The following SUGT1 variants were observed in gnomAD, a reference collection of about 807,000 sequenced individuals.
SUGT1 encodes the protein SGT1 assembly cochaperone of MIS12 kinetochore complex, also known as protein SGT1 homolog.
A neutral mutation model predicts 56.1 loss-of-function variants in SUGT1; 15 were observed. That is an observed-to-expected ratio of 0.27 (90% CI 0.18 to 0.41). The LOEUF (loss-of-function observed/expected upper bound fraction) is 0.41, where lower values mean the gene tolerates loss of function less well. Among genes scored for constraint, SUGT1 ranks in the 10% least tolerant of loss-of-function variants. SUGT1 has a pLI of 1.00. For missense variants in SUGT1, 347 were observed against 382.2 expected (o/e 0.91, Z 0.77); for synonymous variants, 123 against 128.6 (o/e 0.96, Z 0.30).
intron 5 of SUGT1, 36 bp from the exon 6 acceptor site, chr13:52,662,613 A>G (rs1962511320): frequency 2.5e-6 from 4 of 1,605,986 alleles, no homozygotes; most frequent in Non-Finnish European, 3.4e-6. Context: ...TAGGTTGTGC[A>G]GATGAGTGAT....
intron 10 of SUGT1, among the ~76,000 whole-genome samples, chr13:52,668,967 TAC>T (rs1251685722): frequency 1.3e-5 from 2 of 152,174 alleles, no homozygotes; most frequent in African/African-American, 4.8e-5. Flanking sequence ...GTGTGGTAAA[TAC>T]ATAGATGTGT....
At chr13:52,686,001 C>T (rs1328644649) in intron 12 of SUGT1, among the ~76,000 whole-genome samples, 2 of 152,196 alleles carry the variant, frequency 1.3e-5, no homozygotes, top group Non-Finnish European at 2.9e-5. Context: ...TGTCTCAGCT[C>T]ATTGCAACCT....
chr13:52,662,688 A>T lies in SUGT1; in HGVS notation c.368A>T (p.Gln123Leu), dbSNP rs773155814. 8 of 1,613,624 alleles carry T rather than the reference A, an allele frequency of 5.0e-6. No individual in the cohort carries two copies. In the Admixed American group the frequency reaches 1.3e-4, roughly 27 times the overall value. The change falls in exon 6 of 13, where the codon CAA becomes CTA. Residue 123 changes from glutamine (Q) to leucine (L), a missense_variant. Coordinates refer to ENST00000310528, the MANE Select transcript of SUGT1 (RefSeq NM_006704.5). ...TTCAGTGTCTGGATTAAAAGGTGTC[A>T]AGAAGCTCAGAATGGTATGTGGGTC... Reference protein sequence around the residue: ...ANFSVWIKRCQEAQNGSESEV... With the variant: ...ANFSVWIKRCLEAQNGSESEV...
intron 11 of SUGT1, among the ~76,000 whole-genome samples, 199 bp downstream of exon 11, chr13:52,676,519 T>C (rs1963148749): frequency 6.6e-6 from 1 of 152,198 alleles, no homozygotes; most frequent in Non-Finnish European, 1.5e-5. Flanking sequence ...AGAATACAAA[T>C]GAATGGCAGC....
At chr13:52,677,478 C>T (rs1395092519) in intron 11 of SUGT1, among the ~76,000 whole-genome samples, 1 of 152,076 alleles carries the variant, frequency 6.6e-6, no homozygotes, top group Non-Finnish European at 1.5e-5. Context: ...TTAGGACTGA[C>T]TCCAATAGAT....
chr13:52,669,477 A>G (rs1962843457), intron 10 of SUGT1, among the ~76,000 whole-genome samples: 1 of 152,234 alleles, frequency 6.6e-6, no homozygotes, highest in Admixed American at 6.5e-5. Flanking sequence ...TTGCAGGTGG[A>G]AAAACAATCA....
At chr13:52,663,655 C>T (rs1962559174) in intron 7 of SUGT1, among the ~76,000 whole-genome samples, 1 of 152,068 alleles carries the variant, frequency 6.6e-6, no homozygotes, top group Non-Finnish European at 1.5e-5. Flanking sequence ...TTCTTTAAAA[C>T]GATTTTTAAA....
chr13:52,674,053 C>CTTTTTTTT (rs765220996), intron 10 of SUGT1, among the ~76,000 whole-genome samples: 2 of 107,962 alleles, frequency 1.9e-5, no homozygotes, highest in Non-Finnish European at 1.7e-5. Flanking sequence ...AGATAGTATA[C>CTTTTTTTT]TTTTTTTTTT....
intron 10 of SUGT1, among the ~76,000 whole-genome samples, chr13:52,674,052 A>ATTTTTT (rs1963045078): frequency 2.0e-5 from 1 of 49,734 alleles, no homozygotes; most frequent in Non-Finnish European, 3.5e-5. Flanking sequence ...AAGATAGTAT[A>ATTTTTT]CTTTTTTTTT....
intron 10 of SUGT1, among the ~76,000 whole-genome samples, chr13:52,674,250 C>T (rs1200963900): frequency 5.3e-5 from 8 of 151,774 alleles, no homozygotes; most frequent in African/African-American, 1.9e-4. Flanking sequence ...CAGGGTTTTG[C>T]CATGTTGGCC....
chr13:52,657,687 A>G, intron 3 of SUGT1, 65 bp downstream of exon 3: 1 of 1,439,122 alleles, frequency 6.9e-7, no homozygotes, highest in Non-Finnish European at 9.5e-7. Flanking sequence ...TACCCATGAC[A>G]AATTAAAAGT....
At chr13:52,653,993 T>G (rs1411913476) in intron 2 of SUGT1, among the ~76,000 whole-genome samples, 3 of 152,192 alleles carry the variant, frequency 2.0e-5, no homozygotes, top group Non-Finnish European at 4.4e-5. Context: ...ACAAGGGAAT[T>G]AACTTGGAAG....
In SUGT1 at chr13:52,659,211, C is replaced by T; in HGVS notation, c.290C>T (p.Ala97Val). The change falls in exon 5 of 13, where the codon GCT becomes GTT. Residue 97 changes from alanine to valine, a missense_variant. Coordinates refer to ENST00000310528, the MANE Select transcript of SUGT1 (RefSeq NM_006704.5). Reference sequence around the variant, plus strand: ...GAATACCATGAAAAAAACTATGCTGCTGCCCTAGAAACTTTTACAGAAGGA... The same window carrying T: ...GAATACCATGAAAAAAACTATGCTGTTGCCCTAGAAACTTTTACAGAAGGA... The part of the protein sequence containing the change: ...ICEYHEKNYA[A>V]ALETFTEGQK... The T allele has an allele frequency of 6.7e-7, 1 of 1,483,902 alleles. No homozygotes were observed. Among genetic ancestry groups the T allele is most frequent in the Non-Finnish European group, 8.9e-7 (1 of 1,123,630 alleles). The allele number at this position is 1,483,902 out of a possible 1,614,324, so 91.9% of individuals were successfully genotyped here. A position where few individuals can be genotyped will look rare whatever the true frequency, so the allele number is the denominator to read the frequency against.
At chr13:52,654,473 TTTATG>T (rs1265414890) in intron 2 of SUGT1, among the ~76,000 whole-genome samples, 1 of 152,250 alleles carries the variant, frequency 6.6e-6, no homozygotes, top group Non-Finnish European at 1.5e-5. Context: ...GCATATATGA[TTTATG>T]TAAATAACAC....
In SUGT1 at chr13:52,691,942, A is replaced by G. The variant is rs1963790238; in HGVS notation, c.*4107A>G. The G allele has an allele frequency of 6.6e-6, 1 of 152,098 alleles. No individual in the cohort carries two copies. The highest frequency in any genetic ancestry group is 1.5e-5 in the Non-Finnish European group (1 of 68,000). The allele number at this position is 152,098 out of a possible 1,614,324, so 9.4% of individuals were successfully genotyped here. Reference sequence around the variant, plus strand: ...TTGGGAACTTGTGGGGAAAATATTGATTTACCTACAAATGTTACTATTTGG... The same window carrying G: ...TTGGGAACTTGTGGGGAAAATATTGGTTTACCTACAAATGTTACTATTTGG... On this transcript the variant is annotated 3_prime_UTR_variant, in exon 13 of 13. Transcript: ENST00000310528.
At position 52,660,190 on chromosome 13, in the gene SUGT1, G is replaced by A. The variant is rs114825232; in HGVS notation, c.328+941G>A. Among the ~76,000 whole-genome samples the A allele has an allele frequency of 5.7e-3, 860 of 151,922 alleles. 4 individuals are homozygous for A. The highest frequency in any genetic ancestry group is 0.02 in the African/African-American group (831 of 41,430). ...AGGTTGTGAGTAATTTCAGAAAATT[G>A]GAGACTACATAATCCTACTTGTATT... On this transcript the variant is annotated intron_variant, in intron 5 of 12. Transcript: ENST00000310528.
In SUGT1 at chr13:52,695,501, A is replaced by G. The variant is rs143811154; in HGVS notation, c.*7666A>G. 7.0e-4 allele frequency: 107 copies of G among 152,352 alleles called. No individual in the cohort carries two copies. The highest frequency in any genetic ancestry group is 2.5e-3 in the African/African-American group (106 of 41,592). The allele number at this position is 152,352 out of a possible 1,614,324, so 9.4% of individuals were successfully genotyped here. On this transcript the variant is annotated 3_prime_UTR_variant, in exon 13 of 13. Transcript: ENST00000310528. ...ACCCTCAGGATTGTGAGGATTTAATAACTAAGTCCTGACTCAAATTATGTT... is the reference window on the plus strand; with the variant it reads ...ACCCTCAGGATTGTGAGGATTTAATGACTAAGTCCTGACTCAAATTATGTT...
chr13:52,681,095 C>T (rs1963354335), intron 12 of SUGT1, among the ~76,000 whole-genome samples: 1 of 152,138 alleles, frequency 6.6e-6, no homozygotes, highest in South Asian at 2.1e-4. Context: ...GCCTCAGCCT[C>T]CCAAAGTGCT....
chr13:52,679,926 T>G, intron 11 of SUGT1, 48 bp from the exon 12 acceptor site: 1 of 1,529,496 alleles, frequency 6.5e-7, no homozygotes, highest in Non-Finnish European at 8.7e-7. Flanking sequence ...ATTCTCGACA[T>G]AATTGAAACA....
Sources: allele counts gnomAD v4.1 joint callset (sites outside exome capture counted in the v4.1 genomes callset), GRCh38; gene constraint gnomAD v4.1.1; transcripts MANE v1.5; gene names NCBI Gene and HGNC (gene_info 2026-07-23, HGNC 2026-07-21).